Variants in UGCG observed in about 807,000 individuals in gnomAD.
The protein encoded by UGCG is ceramide glucosyltransferase.
In UGCG, 10 loss-of-function variants were observed where a neutral mutation model predicts 49.5. That is an observed-to-expected ratio of 0.20 (90% CI 0.12 to 0.34). UGCG has a LOEUF of 0.34. Among genes scored for constraint, UGCG ranks in the 10% least tolerant of loss-of-function variants. The pLI is 1.00. For synonymous variants in UGCG, 182 were observed against 158.2 expected, an observed-to-expected ratio of 1.15 and a Z score of -1.13; for missense variants, 312 against 483.7, an observed-to-expected ratio of 0.65 and a Z score of 3.33.
chr9:111,907,628 C>CTT (rs11398860), intron 1 of UGCG, among the ~76,000 whole-genome samples: 22,181 of 139,702 alleles, frequency 0.16, 1,887 homozygotes, highest in South Asian at 0.19. Context: ...CATTTTCTTT[C>CTT]TTTTTTTTTT....
At chr9:111,918,887 A>G (rs1388462322) in intron 2 of UGCG, among the ~76,000 whole-genome samples, 1 of 150,674 alleles carries the variant, frequency 6.6e-6, no homozygotes, top group East Asian at 1.9e-4. Context: ...ATCGCGCCAC[A>G]GCACTCCCGC....
chr9:111,911,020 T>C (rs563707253), intron 1 of UGCG, among the ~76,000 whole-genome samples: 3 of 152,342 alleles, frequency 2.0e-5, no homozygotes, highest in Non-Finnish European at 2.9e-5. Context: ...GTGCTGGGAT[T>C]GCAGGCATGA....
chr9:111,905,075 A>G (rs1837855352), intron 1 of UGCG, among the ~76,000 whole-genome samples: 1 of 152,172 alleles, frequency 6.6e-6, no homozygotes, highest in Non-Finnish European at 1.5e-5. Context: ...AACTAGAAAA[A>G]TTAAACTAGA....
intron 1 of UGCG, among the ~76,000 whole-genome samples, chr9:111,898,010 A>G: frequency 6.8e-6 from 1 of 146,796 alleles, no homozygotes. Context: ...GATACCATTC[A>G]CTGTTATTGG....
At chr9:111,906,050 C>G (rs1837876236) in intron 1 of UGCG, among the ~76,000 whole-genome samples, 1 of 152,172 alleles carries the variant, frequency 6.6e-6, no homozygotes, top group Non-Finnish European at 1.5e-5. Flanking sequence ...CAGCCTGCAT[C>G]ATTTGGTATG....
intron 8 of UGCG, 120 bp downstream of exon 8, chr9:111,932,479 C>A: frequency 1.8e-6 from 2 of 1,102,738 alleles, no homozygotes; most frequent in Non-Finnish European, 2.5e-6. Context: ...GTAGGTTAGT[C>A]TCGGGTTTGA....
Position 111,896,921 on chromosome 9 carries a change from C to T in UGCG, c.-295C>T, listed in dbSNP as rs28719626. On this transcript the variant is annotated 5_prime_UTR_variant, in exon 1 of 9. Transcript: ENST00000374279. ...GGGTCTGGTGGGCGGCCGCGAGGCT[C>T]GGGAGAGGCGAACCGGAGCGCGGGA... 0.35 allele frequency: 61,040 copies of T among 173,220 alleles called. 11,063 individuals carry two copies. Among genetic ancestry groups the T allele is most frequent in the African/African-American group, 0.4 (16,863 of 41,896 alleles). The allele number at this position is 173,220 out of a possible 1,614,324, so 10.7% of individuals were successfully genotyped here.
chr9:111,914,929 G>C (rs192454076), intron 2 of UGCG, 183 bp downstream of exon 2: 67 of 807,414 alleles, frequency 8.3e-5, no homozygotes, highest in African/African-American at 8.2e-4. Flanking sequence ...AGGAAGGGGT[G>C]TAAATTCCCT....
At chr9:111,931,176 T>G (rs1589530710) in intron 6 of UGCG, 95 bp from the exon 7 acceptor site, 1 of 1,205,024 alleles carries the variant, frequency 8.3e-7, no homozygotes. Flanking sequence ...ATACCGGCAG[T>G]TGCCTGGTCT....
intron 1 of UGCG, among the ~76,000 whole-genome samples, chr9:111,900,557 A>G (rs1837749686): frequency 1.3e-5 from 2 of 152,156 alleles, no homozygotes; most frequent in Non-Finnish European, 1.5e-5. Context: ...CAATGGCACG[A>G]TCTTGGCTGA....
chr9:111,905,289 A>G (rs957408168), intron 1 of UGCG, among the ~76,000 whole-genome samples: 1 of 152,164 alleles, frequency 6.6e-6, no homozygotes, highest in Non-Finnish European at 1.5e-5. Flanking sequence ...AATCTACTGG[A>G]CATTACCATT....
intron 2 of UGCG, chr9:111,915,621 T>C (rs927171452): frequency 4.5e-5 from 9 of 202,060 alleles, no homozygotes; most frequent in Admixed American, 2.0e-4. Context: ...AGTTTTTCCA[T>C]AGCTGTTTTT....
At chr9:111,899,027 C>T (rs1474246302) in intron 1 of UGCG, among the ~76,000 whole-genome samples, 2 of 152,164 alleles carry the variant, frequency 1.3e-5, no homozygotes, top group Non-Finnish European at 2.9e-5. Flanking sequence ...TTTTGCATGT[C>T]AATATCTGTA....
At chr9:111,923,557 C>T (rs1838264400) in intron 3 of UGCG, among the ~76,000 whole-genome samples, 3 of 152,066 alleles carry the variant, frequency 2.0e-5, no homozygotes, top group Admixed American at 2.0e-4. Context: ...AATCTATCAG[C>T]TCATGGTCAG....
intron 3 of UGCG, among the ~76,000 whole-genome samples, chr9:111,924,509 G>C (rs187556751): frequency 2.6e-5 from 4 of 152,008 alleles, no homozygotes; most frequent in African/African-American, 9.7e-5. Flanking sequence ...ATTAAATATT[G>C]ACTCATACTT....
At chr9:111,927,612 T>C (rs189329366) in intron 5 of UGCG, among the ~76,000 whole-genome samples, 15 of 152,192 alleles carry the variant, frequency 9.9e-5, no homozygotes, top group Admixed American at 6.5e-4. Flanking sequence ...CCACCATGCC[T>C]GGCTAATTTT....
At chr9:111,931,452 C>G (rs1180320452) in intron 7 of UGCG, 95 bp downstream of exon 7, 6 of 1,150,810 alleles carry the variant, frequency 5.2e-6, no homozygotes, top group African/African-American at 3.1e-5. Flanking sequence ...ATGAATGTAC[C>G]TAAAGGTTGA....
At chr9:111,899,014 G>A (rs184653878) in intron 1 of UGCG, among the ~76,000 whole-genome samples, 3 of 152,154 alleles carry the variant, frequency 2.0e-5, no homozygotes, top group Admixed American at 6.5e-5. Flanking sequence ...TGTCTTGACC[G>A]TTTTTTGCAT....
chr9:111,921,007 A>T (rs1298597340), intron 2 of UGCG, among the ~76,000 whole-genome samples: 1 of 151,594 alleles, frequency 6.6e-6, no homozygotes, highest in African/African-American at 2.4e-5. Context: ...GGTTCAAGTG[A>T]TTCTCCTGCC....
Sources: allele counts gnomAD v4.1 joint callset (sites outside exome capture counted in the v4.1 genomes callset), GRCh38; gene constraint gnomAD v4.1.1; transcripts MANE v1.5; gene names NCBI Gene and HGNC (gene_info 2026-07-23, HGNC 2026-07-21).